The following CANX variants were observed in gnomAD, a reference collection of about 807,000 sequenced individuals.
The protein encoded by CANX is calnexin, also known as epididymis secretory sperm binding protein.
A neutral mutation model predicts 75.7 loss-of-function variants in CANX; 14 were observed. The observed-to-expected ratio is 0.19, with a 90% CI of 0.12 to 0.29. The LOEUF is 0.29. Among genes scored for constraint, CANX ranks in the 10% least tolerant of loss-of-function variants. The probability of loss-of-function intolerance (pLI) is 1.00; values close to 1 mark genes in which losing one functional copy is unlikely to be tolerated. For missense variants in CANX, 567 were observed against 713.2 expected (o/e 0.79, Z 2.34); for synonymous variants, 227 against 236.9 (o/e 0.96, Z 0.38).
At chr5:179,680,853 A>G (rs752288491) in intron 1 of CANX, 2 of 1,533,038 alleles carry the variant, frequency 1.3e-6, no homozygotes, top group South Asian at 1.2e-5. Flanking sequence ...ATAGGTGGAC[A>G]GAGGCTGGAT....
chr5:179,701,735 A>C (rs938079504), intron 1 of CANX, among the ~76,000 whole-genome samples: 6 of 27,556 alleles, frequency 2.2e-4, no homozygotes, highest in African/African-American at 4.4e-4. Context: ...CAACAGATGT[A>C]CTTTTTTTTT....
rs545971791 is a variant in CANX at position 179,730,099 on chromosome 5, C to G, written c.*1455C>G. The G allele has an allele frequency of 1.3e-5, 2 of 152,630 alleles. No homozygotes were observed. The highest frequency in any genetic ancestry group is 4.1e-4 in the South Asian group (2 of 4,824). 9.5% of individuals were successfully genotyped at this position (152,630 alleles called of 1,614,324 possible). ...CTATAGTGTAATAATGTTATTATTACTCTACACTGAAACGTATTCAGAGTT... is the reference window on the plus strand; with the variant it reads ...CTATAGTGTAATAATGTTATTATTAGTCTACACTGAAACGTATTCAGAGTT... On this transcript the variant is annotated 3_prime_UTR_variant, in exon 15 of 15. Coordinates refer to ENST00000247461, the MANE Select transcript of CANX (RefSeq NM_001746.4).
chr5:179,718,177 GT>G (rs1279270564), intron 8 of CANX, among the ~76,000 whole-genome samples: 2 of 151,520 alleles, frequency 1.3e-5, no homozygotes, highest in African/African-American at 4.9e-5. Flanking sequence ...ATTTTTATGG[GT>G]TTTTTGTTTG....
chr5:179,688,242 A>G (rs1776226768), intron 1 of CANX, among the ~76,000 whole-genome samples: 1 of 151,100 alleles, frequency 6.6e-6, no homozygotes, highest in South Asian at 2.1e-4. Context: ...ATTTTTAGAG[A>G]CAGGGTTTCA....
intron 1 of CANX, among the ~76,000 whole-genome samples, chr5:179,693,002 C>T (rs1018761670): frequency 1.3e-5 from 2 of 151,598 alleles, no homozygotes; most frequent in South Asian, 2.1e-4. Flanking sequence ...AAAAATTAGC[C>T]GGGCACAGTG....
chr5:179,702,471 A>G (rs1400104382), intron 1 of CANX, among the ~76,000 whole-genome samples: 3 of 134,896 alleles, frequency 2.2e-5, no homozygotes, highest in African/African-American at 8.4e-5. Flanking sequence ...TGCTTATTTT[A>G]CTTACCATAT....
At chr5:179,678,903 C>T in intron 1 of CANX, 1 of 1,535,024 alleles carries the variant, frequency 6.5e-7, no homozygotes, top group Middle Eastern at 1.7e-4. Context: ...GTCCACCGCC[C>T]GCCGCGGAAC....
intron 13 of CANX, among the ~76,000 whole-genome samples, chr5:179,726,022 C>T (rs1476210101): frequency 2.0e-5 from 3 of 151,328 alleles, no homozygotes; most frequent in Non-Finnish European, 2.9e-5. Context: ...AGCAAGGTGG[C>T]TCACGCCTAT....
chr5:179,680,975 C>T (rs957195177), intron 1 of CANX: 8 of 1,456,990 alleles, frequency 5.5e-6, no homozygotes, highest in Non-Finnish European at 6.5e-6. Flanking sequence ...TTAGTCCTCA[C>T]TGTATGTTGT....
At chr5:179,720,347 T>C in intron 9 of CANX, 57 bp from the exon 10 acceptor site, 3 of 1,424,158 alleles carry the variant, frequency 2.1e-6, no homozygotes, top group Non-Finnish European at 2.9e-6. Flanking sequence ...GCCAGCCAGC[T>C]GTTCATAGTC....
intron 1 of CANX, chr5:179,680,738 G>A (rs1776041454): frequency 1.6e-6 from 1 of 630,868 alleles, no homozygotes; most frequent in African/African-American, 1.8e-5. Flanking sequence ...GCTATGTGTT[G>A]TTTCTAATTC....
At chr5:179,726,604 A>T in intron 13 of CANX, 76 bp from the exon 14 acceptor site, 1 of 910,240 alleles carries the variant, frequency 1.1e-6, no homozygotes. Context: ...TTGTAGATCT[A>T]GAGATGTGTT....
At chr5:179,680,756 G>T in intron 1 of CANX, 2 of 718,062 alleles carry the variant, frequency 2.8e-6, no homozygotes, top group Non-Finnish European at 4.6e-6. Context: ...TTCCTCTTCT[G>T]CCCATGGGCA....
At chr5:179,679,306 G>GGCC in intron 1 of CANX, 1 of 1,448,572 alleles carries the variant, frequency 6.9e-7, no homozygotes, top group Non-Finnish European at 9.1e-7. Context: ...GCTTGGTACA[G>GGCC]GCCGCCTCTC....
rs763918161 is a variant in CANX at position 179,708,308 on chromosome 5, G to A, written c.374G>A (p.Arg125Gln). ...PGDKGLVLMS[R>Q]AKHHAISAKL... Reference sequence around the variant, plus strand: ...GATAAAGGACTTGTGTTGATGTCTCGGGCCAAGCATCATGCCATCTCTGCT... The same window carrying A: ...GATAAAGGACTTGTGTTGATGTCTCAGGCCAAGCATCATGCCATCTCTGCT... Residue 125 changes from arginine (R) to glutamine (Q), a missense_variant, in exon 5 of 15, where the codon CGG becomes CAG. Coordinates refer to ENST00000247461, the MANE Select transcript of CANX (RefSeq NM_001746.4). 1.5e-5 allele frequency: 24 copies of A among 1,613,456 alleles called. No individual in the cohort carries two copies. Among genetic ancestry groups the A allele is most frequent in the Middle Eastern group, 1.6e-4 (1 of 6,082 alleles).
At chr5:179,720,365 A>G in intron 9 of CANX, 39 bp from the exon 10 acceptor site, 1 of 1,589,108 alleles carries the variant, frequency 6.3e-7, no homozygotes, top group Non-Finnish European at 8.6e-7. Flanking sequence ...GTCCTGCATC[A>G]CAGAACCTGT....
intron 1 of CANX, among the ~76,000 whole-genome samples, chr5:179,688,661 C>G (rs1776239024): frequency 6.6e-6 from 1 of 151,216 alleles, no homozygotes; most frequent in Admixed American, 6.6e-5. Flanking sequence ...CTGCGCCCGG[C>G]CGCCTAAGGT....
chr5:179,695,744 G>A (rs545258983), upstream of CANX, among the ~76,000 whole-genome samples: 2 of 151,782 alleles, frequency 1.3e-5, no homozygotes, highest in African/African-American at 4.8e-5. Flanking sequence ...TCCGCCTTCC[G>A]GGTTCACACC....
chr5:179,695,199 G>A (rs1298219504), upstream of CANX, among the ~76,000 whole-genome samples: 2 of 151,808 alleles, frequency 1.3e-5, no homozygotes, highest in African/African-American at 2.4e-5. Context: ...ACAGGCACCC[G>A]CCCCACACCC....
Sources: gnomAD v4.1 joint callset for allele counts (sites outside exome capture counted in the v4.1 genomes callset) on GRCh38, gnomAD v4.1.1 for gene constraint, MANE v1.5 for transcripts, NCBI Gene and HGNC (gene_info 2026-07-23, HGNC 2026-07-21) for gene names.